NR3C2: variants seen among roughly 807,000 people sequenced by gnomAD.
The protein encoded by NR3C2 is nuclear receptor subfamily 3 group C member 2, also known as mineralocorticoid receptor.
Under a neutral mutation model 86.4 loss-of-function variants are expected in NR3C2, and 15 were observed. The observed-to-expected ratio is 0.17, with a 90% CI of 0.12 to 0.27. NR3C2 has a LOEUF of 0.27. Among genes scored for constraint, NR3C2 ranks in the 10% least tolerant of loss-of-function variants. The pLI is 1.00. For synonymous variants in NR3C2, 458 were observed against 450.5 expected, an observed-to-expected ratio of 1.02 and a Z score of -0.21; for missense variants, 960 against 1,195.6, an observed-to-expected ratio of 0.80 and a Z score of 2.91.
chr4:148,120,718 GGATGGGGAT>G (rs1732472983), intron 6 of NR3C2, among the ~76,000 whole-genome samples: 1 of 152,184 alleles, frequency 6.6e-6, no homozygotes, highest in South Asian at 2.1e-4. Context: ...TACGAACATA[GGATGGGGAT>G]GACCAATCTT....
At chr4:148,170,777 T>C (rs1043242499) in intron 4 of NR3C2, among the ~76,000 whole-genome samples, 8 of 152,252 alleles carry the variant, frequency 5.3e-5, no homozygotes, top group Non-Finnish European at 2.9e-5. Flanking sequence ...CGCCAAAGTC[T>C]TAGTAGTAGG....
intron 4 of NR3C2, among the ~76,000 whole-genome samples, chr4:148,159,566 G>C (rs1427231882): frequency 6.6e-6 from 1 of 152,168 alleles, no homozygotes; most frequent in Non-Finnish European, 1.5e-5. Flanking sequence ...AACACAGAAA[G>C]AATAACTACT....
In NR3C2 at chr4:148,213,444, G is replaced by A. The variant is rs199708794; in HGVS notation, c.1898-18582C>T. On this transcript the variant is annotated intron_variant, in intron 3 of 8. Coordinates refer to ENST00000358102, the MANE Select transcript of NR3C2 (RefSeq NM_000901.5). ...CAATAATGATGGAATTTTTATGTATGTTTAGTGTTACCTAATAACTTACTC... is the reference window on the plus strand; with the variant it reads ...CAATAATGATGGAATTTTTATGTATATTTAGTGTTACCTAATAACTTACTC... Among the ~76,000 whole-genome samples the A allele has an allele frequency of 4.6e-5, 7 of 152,140 alleles. No individual in the cohort carries two copies. The East Asian group carries it at 5.8e-4, about 13-fold the overall frequency.
In NR3C2 at chr4:148,081,212, A is replaced by C. The variant is rs1429045192; in HGVS notation, c.*132T>G. ...TTCCCGGCTCCAAACCTCTGACATG[A>C]CTTTAAACTTGAGAAACTGTTGAAC... is the stretch of plus-strand genomic sequence containing the variant. On this transcript the variant is annotated 3_prime_UTR_variant, in exon 9 of 9. Transcript: ENST00000358102. The C allele has an allele frequency of 7.7e-7, 1 of 1,293,522 alleles. No homozygotes were observed. Among genetic ancestry groups the C allele is most frequent in the Non-Finnish European group, 1.1e-6 (1 of 909,910 alleles). 80.1% of individuals were successfully genotyped at this position (1,293,522 alleles called of 1,614,324 possible).
At chr4:148,319,411 A>C (rs1218270389) in intron 2 of NR3C2, among the ~76,000 whole-genome samples, 2 of 152,128 alleles carry the variant, frequency 1.3e-5, no homozygotes, top group African/African-American at 4.8e-5. Context: ...CAATTCTGTG[A>C]AGAAAGGCAT....
At chr4:148,245,205 T>C (rs1739260198) in intron 3 of NR3C2, among the ~76,000 whole-genome samples, 1 of 152,212 alleles carries the variant, frequency 6.6e-6, no homozygotes, top group South Asian at 2.1e-4. Context: ...ACAGCGATCA[T>C]TTATTTAATG....
At chr4:148,149,567 C>T (rs1399173249) in intron 6 of NR3C2, among the ~76,000 whole-genome samples, 7 of 152,106 alleles carry the variant, frequency 4.6e-5, no homozygotes, top group Non-Finnish European at 5.9e-5. Context: ...GACTTCACTA[C>T]AATTATAAAT....
At chr4:148,424,098 G>T (rs192941153) in intron 2 of NR3C2, among the ~76,000 whole-genome samples, 76 of 152,270 alleles carry the variant, frequency 5.0e-4, no homozygotes, top group African/African-American at 1.8e-3. Flanking sequence ...ATTGATAACA[G>T]AACTCAAAAA....
chr4:148,350,211 C>T (rs1420576610), intron 2 of NR3C2, among the ~76,000 whole-genome samples: 1 of 152,146 alleles, frequency 6.6e-6, no homozygotes, highest in Non-Finnish European at 1.5e-5. Flanking sequence ...TACCTAATTA[C>T]AAAGTATAGA....
upstream of NR3C2, chr4:148,444,058 C>A: frequency 3.0e-6 from 3 of 985,406 alleles, no homozygotes; most frequent in South Asian, 9.4e-5. Context: ...GCGGGGCCCA[C>A]CGTCACGCGC....
At chr4:148,443,010 G>T, upstream of NR3C2, 1 of 983,602 alleles carries the variant, frequency 1.0e-6, no homozygotes, top group Non-Finnish European at 1.2e-6. Context: ...CCGCGCGCGG[G>T]GAGGACTCTG....
chr4:148,159,015 GGGCCAAAAATAC>G (rs1485751691), intron 4 of NR3C2, among the ~76,000 whole-genome samples: 2 of 152,036 alleles, frequency 1.3e-5, no homozygotes, highest in Non-Finnish European at 2.9e-5. Flanking sequence ...TTTTCTAAAA[GGGCCAAAAATAC>G]GGTTACTTAA....
chr4:148,420,260 C>T (rs1749216425), intron 2 of NR3C2, among the ~76,000 whole-genome samples: 1 of 152,150 alleles, frequency 6.6e-6, no homozygotes, highest in African/African-American at 2.4e-5. Flanking sequence ...GACAAAGAAA[C>T]TATAGGATGA....
chr4:148,405,472 T>C (rs1468179945), intron 2 of NR3C2, among the ~76,000 whole-genome samples: 1 of 152,098 alleles, frequency 6.6e-6, no homozygotes, highest in Non-Finnish European at 1.5e-5. Context: ...CACAAAGACT[T>C]TGCTTCTCCC....
intron 2 of NR3C2, among the ~76,000 whole-genome samples, chr4:148,334,980 C>T (rs895055619): frequency 3.9e-5 from 6 of 152,148 alleles, no homozygotes; most frequent in African/African-American, 9.7e-5. Context: ...ATTCTCGCTC[C>T]GTGGGTATCT....
At chr4:148,087,053 G>A (rs997579713) in intron 8 of NR3C2, among the ~76,000 whole-genome samples, 3 of 152,198 alleles carry the variant, frequency 2.0e-5, no homozygotes, top group Admixed American at 6.5e-5. Flanking sequence ...ATCTTAAGCC[G>A]ATAAGCAACT....
intron 2 of NR3C2, among the ~76,000 whole-genome samples, chr4:148,324,657 G>C (rs984458687): frequency 6.6e-6 from 1 of 152,148 alleles, no homozygotes; most frequent in African/African-American, 2.4e-5. Flanking sequence ...GAAATTTGCT[G>C]AGAGTAAATC....
At chr4:148,154,003 A>G (rs1354581727) in intron 5 of NR3C2, among the ~76,000 whole-genome samples, 1 of 149,372 alleles carries the variant, frequency 6.7e-6, no homozygotes, top group Non-Finnish European at 1.5e-5. Flanking sequence ...CATTTTTTTT[A>G]TTTTTAATTT....
At chr4:148,167,598 C>T (rs72653831) in intron 4 of NR3C2, among the ~76,000 whole-genome samples, 13 of 152,150 alleles carry the variant, frequency 8.5e-5, no homozygotes, top group African/African-American at 1.4e-4. Context: ...TGAAGTATTA[C>T]GCTTAGAACT....
Sources: gnomAD v4.1 joint callset for allele counts (sites outside exome capture counted in the v4.1 genomes callset) on GRCh38, gnomAD v4.1.1 for gene constraint, MANE v1.5 for transcripts, NCBI Gene and HGNC (gene_info 2026-07-23, HGNC 2026-07-21) for gene names.